SAXO1: variants seen among roughly 807,000 people sequenced by gnomAD.
SAXO1 encodes stabilizer of axonemal microtubules 1.
SAXO1 carries 21 observed loss-of-function variants against 17.5 expected under a neutral mutation model. The ratio of observed to expected loss-of-function variants is 1.20; its 90% CI spans 0.85 to 1.72. The LOEUF is 1.72. SAXO1 is among the 40% of genes most tolerant of loss of function. The pLI, the probability that SAXO1 is intolerant of heterozygous loss-of-function variation, is 0.00. For synonymous variants in SAXO1, 274 were observed against 216.5 expected (o/e 1.27, Z -2.33); for missense variants, 843 against 596.0 (o/e 1.41, Z -4.32).
At chr9:18,948,222 G>T (rs1049183453) in intron 2 of SAXO1, among the ~76,000 whole-genome samples, 2 of 152,160 alleles carry the variant, frequency 1.3e-5, no homozygotes, top group Non-Finnish European at 2.9e-5. Context: ...TTTGTTCTCG[G>T]TCTATGAACA....
At chr9:18,940,815 T>C (rs1176839890) in intron 3 of SAXO1, among the ~76,000 whole-genome samples, 1 of 152,242 alleles carries the variant, frequency 6.6e-6, no homozygotes, top group Non-Finnish European at 1.5e-5. Context: ...CAGGCCATTA[T>C]GCTTCCTTCA....
chr9:19,019,151 T>A (rs575331882), intron 1 of SAXO1, among the ~76,000 whole-genome samples: 2 of 152,018 alleles, frequency 1.3e-5, no homozygotes, highest in East Asian at 3.9e-4. Flanking sequence ...ATTTTCTTGG[T>A]TTTTCAAGTG....
At chr9:18,957,266 G>A (rs772021559) in intron 1 of SAXO1, among the ~76,000 whole-genome samples, 4 of 152,142 alleles carry the variant, frequency 2.6e-5, no homozygotes, top group South Asian at 2.1e-4. Context: ...CTGCTTAAAC[G>A]AGAGTGTCAT....
intron 3 of SAXO1, among the ~76,000 whole-genome samples, chr9:18,936,375 A>G (rs545996268): frequency 6.6e-6 from 1 of 152,040 alleles, no homozygotes; most frequent in East Asian, 1.9e-4. Flanking sequence ...CGGCCCCCAG[A>G]CTCCTGGCCT....
intron 3 of SAXO1, among the ~76,000 whole-genome samples, chr9:18,931,224 A>G (rs572924166): frequency 1.3e-5 from 2 of 152,284 alleles, no homozygotes; most frequent in South Asian, 2.1e-4. Flanking sequence ...CTTGGTCTCT[A>G]TAACTGCGCA....
chr9:18,974,017 C>T (rs1833041810), intron 1 of SAXO1, among the ~76,000 whole-genome samples: 1 of 152,168 alleles, frequency 6.6e-6, no homozygotes, highest in Non-Finnish European at 1.5e-5. Context: ...GACATTGGTG[C>T]TCAGTATCCA....
chr9:19,037,590 T>C (rs1835973788), upstream of SAXO1, among the ~76,000 whole-genome samples: 1 of 152,160 alleles, frequency 6.6e-6, no homozygotes, highest in Non-Finnish European at 1.5e-5. Flanking sequence ...AGAAGTGCCT[T>C]TCACCTCCCG....
At chr9:19,001,051 G>T (rs962264710) in intron 1 of SAXO1, among the ~76,000 whole-genome samples, 1 of 152,132 alleles carries the variant, frequency 6.6e-6, no homozygotes, top group Non-Finnish European at 1.5e-5. Flanking sequence ...AATTAACAAG[G>T]ATATCTGGGA....
chr9:18,955,680 T>C (rs1832230066), intron 1 of SAXO1, among the ~76,000 whole-genome samples: 1 of 152,290 alleles, frequency 6.6e-6, no homozygotes. Context: ...CCATAATTCA[T>C]CTCAATCTAT....
chr9:18,937,599 G>T (rs142588025), intron 3 of SAXO1, among the ~76,000 whole-genome samples: 58 of 152,280 alleles, frequency 3.8e-4, no homozygotes, highest in African/African-American at 1.4e-3. Context: ...GGGAGGTGAG[G>T]CCTTTTGGGA....
chr9:19,010,720 C>A (rs1834696333), intron 1 of SAXO1, among the ~76,000 whole-genome samples: 1 of 152,106 alleles, frequency 6.6e-6, no homozygotes, highest in Non-Finnish European at 1.5e-5. Context: ...GGCAGGTAAG[C>A]TTATCAAAGA....
chr9:18,983,391 C>G (rs1034690591), intron 1 of SAXO1, among the ~76,000 whole-genome samples: 4 of 152,196 alleles, frequency 2.6e-5, no homozygotes, highest in Non-Finnish European at 5.9e-5. Flanking sequence ...GATCCAATTA[C>G]CTCCTGCCAG....
Position 18,967,559 on chromosome 9 carries a change from G to A in SAXO1, c.39-16622C>T, listed in dbSNP as rs142966166. Among the ~76,000 whole-genome samples the A allele has an allele frequency of 2.7e-3, 409 of 152,308 alleles. 1 individual carries two copies. Among genetic ancestry groups the A allele is most frequent in the African/African-American group, 8.7e-3 (362 of 41,578 alleles). ...GTTTACACTGTAAGGGGAAAACTAC[G>A]TACTCAAGCCTCAGTAATAGTGGAT... On this transcript the variant is annotated intron_variant, in intron 1 of 3. Coordinates refer to ENST00000380534, the MANE Select transcript of SAXO1 (RefSeq NM_153707.4).
chr9:18,961,329 CCTGG>C (rs1832473332), intron 1 of SAXO1, among the ~76,000 whole-genome samples: 1 of 151,834 alleles, frequency 6.6e-6, no homozygotes, highest in African/African-American at 2.4e-5. Context: ...TGCCACCACG[CCTGG>C]CTAATTGTTT....
Position 18,976,639 on chromosome 9 carries a change from G to A in SAXO1, c.39-25702C>T, listed in dbSNP as rs142163472. Among the ~76,000 whole-genome samples the A allele has an allele frequency of 2.9e-4, 44 of 152,280 alleles. 1 individual carries two copies. In the East Asian group the frequency reaches 5.8e-3, roughly 20 times the overall value. ...GTAACTATGGGAAAGACTTTCATCC[G>A]CACTCTTTACGAGGTTAATTGTAAC... On this transcript the variant is annotated intron_variant, in intron 1 of 3. Coordinates refer to ENST00000380534, the MANE Select transcript of SAXO1 (RefSeq NM_153707.4).
chr9:18,998,089 G>A (rs532083379), intron 1 of SAXO1, among the ~76,000 whole-genome samples: 1 of 152,094 alleles, frequency 6.6e-6, no homozygotes, highest in East Asian at 1.9e-4. Context: ...CCTCACCAGG[G>A]AACAAAACTG....
At chr9:18,943,854 G>A (rs1039214954) in intron 2 of SAXO1, among the ~76,000 whole-genome samples, 6 of 152,220 alleles carry the variant, frequency 3.9e-5, no homozygotes, top group Non-Finnish European at 8.8e-5. Flanking sequence ...CCAGTTGTGA[G>A]GCTGCCACTC....
At chr9:18,933,417 AT>A (rs1159316564) in intron 3 of SAXO1, among the ~76,000 whole-genome samples, 1 of 152,228 alleles carries the variant, frequency 6.6e-6, no homozygotes, top group Non-Finnish European at 1.5e-5. Flanking sequence ...AAAGAAAAAA[AT>A]ATCTTTTTAA....
At chr9:18,979,642 G>A (rs1025406715) in intron 1 of SAXO1, among the ~76,000 whole-genome samples, 11 of 152,198 alleles carry the variant, frequency 7.2e-5, no homozygotes, top group Non-Finnish European at 1.2e-4. Context: ...ATTTTCCAAG[G>A]AGATTATTCC....
Sources: allele counts gnomAD v4.1 joint callset (sites outside exome capture counted in the v4.1 genomes callset), GRCh38; gene constraint gnomAD v4.1.1; transcripts MANE v1.5; gene names NCBI Gene and HGNC (gene_info 2026-07-23, HGNC 2026-07-21).